Variants in CYTIP observed in about 807,000 individuals in gnomAD.
The protein encoded by CYTIP is cytohesin 1 interacting protein, also known as cytohesin-interacting protein.
CYTIP carries 26 observed loss-of-function variants against 43.8 expected under a neutral mutation model. The observed-to-expected ratio is 0.59, with a 90% CI of 0.44 to 0.82. The LOEUF is 0.82. Among genes scored for constraint, CYTIP ranks in the 40% least tolerant of loss-of-function variants. The pLI is 0.00. For synonymous variants in CYTIP, 162 were observed against 162.9 expected (o/e 0.99, Z 0.04); for missense variants, 426 against 443.1 (o/e 0.96, Z 0.35).
chr2:157,429,361 G>A (rs554832172), intron 5 of CYTIP, among the ~76,000 whole-genome samples: 17 of 152,082 alleles, frequency 1.1e-4, no homozygotes, highest in Admixed American at 4.6e-4. Flanking sequence ...CTCAAATATC[G>A]CCTCCCTAGA....
At chr2:157,441,600 A>G (rs1163205474) in intron 1 of CYTIP, among the ~76,000 whole-genome samples, 2 of 34,312 alleles carry the variant, frequency 5.8e-5, no homozygotes, top group African/African-American at 2.5e-4. Context: ...GTATATATGC[A>G]CATACACACA....
In CYTIP at chr2:157,415,750, C is replaced by T. The variant is rs760525736; in HGVS notation, c.1007G>A (p.Ser336Asn). ...AAATTTCAAGAGTTGCTTTCGGACACTTCCCTTTCTGCTCTTCCGGGGCAG... is the reference window on the plus strand; with the variant it reads ...AAATTTCAAGAGTTGCTTTCGGACATTTCCCTTTCTGCTCTTCCGGGGCAG... ...GTLPRKSRKGSVRKQLLKFIP... is the reference protein window; with the variant it reads ...GTLPRKSRKGNVRKQLLKFIP... The change falls in exon 8 of 8, where the codon AGT (serine) becomes AAT (asparagine). Residue 336 changes from serine (S) to asparagine (N), a missense_variant. Transcript: ENST00000264192. 6.2e-7 allele frequency: 1 copy of T among 1,614,200 alleles called. No homozygotes were observed. The highest frequency in any genetic ancestry group is 1.7e-5 in the Admixed American group (1 of 60,020).
In CYTIP at chr2:157,433,009, C is replaced by A. The variant is rs151300070; in HGVS notation, c.279+1361G>T. On this transcript the variant is annotated intron_variant, in intron 3 of 7. Coordinates refer to ENST00000264192, the MANE Select transcript of CYTIP (RefSeq NM_004288.5). ...GTGTTGTGGCCTGACATAGTTTTGA[C>A]TCTTGCTCCACGGAGAATAAGTGTT... 2.4e-3 allele frequency among the ~76,000 whole-genome samples: 373 copies of A among 152,246 alleles called. 3 individuals are homozygous for A. Among genetic ancestry groups the A allele is most frequent in the African/African-American group, 8.8e-3 (366 of 41,532 alleles).
At chr2:157,416,292 T>G in intron 7 of CYTIP, 149 bp from the exon 8 acceptor site, 1 of 660,146 alleles carries the variant, frequency 1.5e-6, no homozygotes. Flanking sequence ...AATAAGTAAC[T>G]GTTTATGAGA....
intron 1 of CYTIP, chr2:157,438,808 G>C: frequency 5.6e-6 from 1 of 180,016 alleles, no homozygotes; most frequent in Non-Finnish European, 1.3e-5. Context: ...TTAGTACATA[G>C]CTGCTAAGTG....
rs1015078194 is a variant in CYTIP, at chr2:157,415,625, G to T, written c.*52C>A. 2.4e-6 allele frequency: 3 copies of T among 1,269,166 alleles called. No homozygotes were observed. Among genetic ancestry groups the T allele is most frequent in the African/African-American group, 3.0e-5 (2 of 67,234 alleles). The allele number at this position is 1,269,166 out of a possible 1,614,324, so 78.6% of individuals were successfully genotyped here. On this transcript the variant is annotated 3_prime_UTR_variant, in exon 8 of 8. Coordinates refer to ENST00000264192, the MANE Select transcript of CYTIP (RefSeq NM_004288.5). ...TTTCCCACCAAGCTGGGATCTGGGT[G>T]AGTCTAGAGATATTTGTGAAATAAG...
rs1685425264 is a variant in CYTIP at position 157,415,498 on chromosome 2, A to T, written c.*179T>A. 1 of 557,676 alleles carries T rather than the reference A, an allele frequency of 1.8e-6. No homozygotes were observed. Among genetic ancestry groups the T allele is most frequent in the Admixed American group, 3.6e-5 (1 of 27,852 alleles). 34.5% of individuals were successfully genotyped at this position (557,676 alleles called of 1,614,324 possible). A position where few individuals can be genotyped will look rare whatever the true frequency, so the allele number is the denominator to read the frequency against. ...CTGTCTGCTTAGAAATTGGCTGTTT[A>T]GGTTGAAAAATGATTTAAGAAGCAT... On this transcript the variant is annotated 3_prime_UTR_variant, in exon 8 of 8. Transcript: ENST00000264192.
chr2:157,441,024 A>G (rs1685899115), intron 1 of CYTIP, among the ~76,000 whole-genome samples: 1 of 152,120 alleles, frequency 6.6e-6, no homozygotes, highest in Non-Finnish European at 1.5e-5. Context: ...GTAGTGAGAT[A>G]ATATGCACAC....
At chr2:157,440,452 G>C (rs1251893779) in intron 1 of CYTIP, among the ~76,000 whole-genome samples, 6 of 152,138 alleles carry the variant, frequency 3.9e-5, no homozygotes. Flanking sequence ...AATTTTCAAA[G>C]TCTTTTCTAG....
At chr2:157,438,866 T>C (rs746481937) in intron 1 of CYTIP, 38 of 292,036 alleles carry the variant, frequency 1.3e-4, no homozygotes, top group Non-Finnish European at 2.1e-4. Flanking sequence ...ATTTTGAGCC[T>C]TGTCAATTTT....
intron 6 of CYTIP, among the ~76,000 whole-genome samples, chr2:157,419,338 C>T (rs1040126018): frequency 6.6e-6 from 1 of 152,192 alleles, no homozygotes; most frequent in Non-Finnish European, 1.5e-5. Context: ...ACAGAACTAT[C>T]TGAAATGCTT....
intron 6 of CYTIP, among the ~76,000 whole-genome samples, chr2:157,425,884 A>G (rs1359157332): frequency 6.6e-6 from 1 of 152,122 alleles, no homozygotes; most frequent in Non-Finnish European, 1.5e-5. Flanking sequence ...GTCAACCATA[A>G]GATTACCATT....
At position 157,415,873 on chromosome 2, in the gene CYTIP, C is replaced by T. The variant is rs746832486; in HGVS notation, c.884G>A (p.Arg295Lys). 6.2e-7 allele frequency: 1 copy of T among 1,614,206 alleles called. No individual in the cohort carries two copies. The highest frequency in any genetic ancestry group is 1.1e-5 in the South Asian group (1 of 91,088). Residue 295 changes from arginine (R) to lysine (K), a missense_variant, in exon 8 of 8, where the codon AGG becomes AAG. Coordinates refer to ENST00000264192, the MANE Select transcript of CYTIP (RefSeq NM_004288.5). Reference sequence around the variant, plus strand: ...CCGGTTCCTCCTTGAAGATGACCTCCTCAGAAAATCATCCCCCTCCTTGGG... The same window carrying T: ...CCGGTTCCTCCTTGAAGATGACCTCTTCAGAAAATCATCCCCCTCCTTGGG... ...FIPKEGDDFL[R>K]RSSSRRNRSI...
Position 157,430,682 on chromosome 2 carries a change from T to C in CYTIP, c.383-30A>G, listed in dbSNP as rs1201468876. ...GAGATGCCAAGAAAAATGAGTGTTA[T>C]GTTGGTTAGTTAAATAATCCCTCCT... On this transcript the variant is annotated intron_variant, in intron 4 of 7. Coordinates refer to ENST00000264192, the MANE Select transcript of CYTIP (RefSeq NM_004288.5). 6 of 1,595,330 alleles carry C rather than the reference T, an allele frequency of 3.8e-6. No homozygotes were observed. The African/African-American group carries it at 4.0e-5, about 11-fold the overall frequency.
chr2:157,443,214 G>C (rs1685944009), intron 1 of CYTIP, among the ~76,000 whole-genome samples: 1 of 151,960 alleles, frequency 6.6e-6, no homozygotes, highest in South Asian at 2.1e-4. Context: ...ACCCAATAAG[G>C]GTGGTTCTAT....
At chr2:157,441,106 A>G (rs1206284945) in intron 1 of CYTIP, among the ~76,000 whole-genome samples, 1 of 152,212 alleles carries the variant, frequency 6.6e-6, no homozygotes. Context: ...ATTTGAAACT[A>G]CAAGCTAACC....
intron 5 of CYTIP, among the ~76,000 whole-genome samples, chr2:157,428,552 C>T (rs1685649521): frequency 6.6e-6 from 1 of 152,184 alleles, no homozygotes; most frequent in Non-Finnish European, 1.5e-5. Context: ...ATTGATTTGG[C>T]CATTTTCCTC....
At chr2:157,417,129 T>C (rs993897574) in intron 7 of CYTIP, among the ~76,000 whole-genome samples, 28 of 152,254 alleles carry the variant, frequency 1.8e-4, no homozygotes, top group African/African-American at 6.3e-4. Flanking sequence ...TGCTGCTGTC[T>C]TTTGTCCTCG....
At position 157,427,393 on chromosome 2, in the gene CYTIP, A is replaced by G; in HGVS notation, c.504T>C (p.Ile168=). The change falls in exon 6 of 8, where the codon ATT becomes ATC. Residue 168 remains isoleucine (I), a synonymous_variant. Transcript: ENST00000264192. ...TTGCTTCAAGCTCCGTTCTTTTCAG[A>G]ATCATTGTTCCATTAAGAGTCTCTA... ...LTIETLNGTM[I]LKRTELEAKL... 1.9e-6 allele frequency: 3 copies of G among 1,609,586 alleles called. No homozygotes were observed. The highest frequency in any genetic ancestry group is 2.5e-6 in the Non-Finnish European group (3 of 1,178,574).
Sources: gnomAD v4.1 joint callset for allele counts (sites outside exome capture counted in the v4.1 genomes callset) on GRCh38, gnomAD v4.1.1 for gene constraint, MANE v1.5 for transcripts, NCBI Gene and HGNC (gene_info 2026-07-23, HGNC 2026-07-21) for gene names.